ERC2: variants seen among roughly 807,000 people sequenced by gnomAD.
The protein encoded by ERC2 is ERC protein 2.
A neutral mutation model predicts 114.8 loss-of-function variants in ERC2; 42 were observed. The observed-to-expected ratio is 0.37, with a 90% CI of 0.29 to 0.47. The LOEUF is 0.47. ERC2 is among the 20% of genes least tolerant of loss of function. The pLI is 0.99. For synonymous variants in ERC2, 454 were observed against 425.5 expected, an observed-to-expected ratio of 1.07 and a Z score of -0.82; for missense variants, 939 against 1,150.7, an observed-to-expected ratio of 0.82 and a Z score of 2.66.
At chr3:55,958,555 C>A (rs1435824219) in intron 12 of ERC2, among the ~76,000 whole-genome samples, 1 of 152,226 alleles carries the variant, frequency 6.6e-6, no homozygotes, top group African/African-American at 2.4e-5. Flanking sequence ...CTGCCATCAA[C>A]ATGCCATCCA....
At chr3:56,182,353 G>T (rs116828603) in intron 3 of ERC2, among the ~76,000 whole-genome samples, 2 of 152,156 alleles carry the variant, frequency 1.3e-5, no homozygotes, top group African/African-American at 4.8e-5. Context: ...AACAGTAGGC[G>T]CTCAACAAAC....
chr3:56,060,939 C>T (rs1429907267), intron 7 of ERC2, among the ~76,000 whole-genome samples: 6 of 152,098 alleles, frequency 3.9e-5, no homozygotes, highest in Non-Finnish European at 5.9e-5. Context: ...ACCTAGAAAA[C>T]GATAAAGATG....
chr3:55,636,621 T>C (rs1362226850), intron 17 of ERC2, among the ~76,000 whole-genome samples: 1 of 152,192 alleles, frequency 6.6e-6, no homozygotes, highest in Non-Finnish European at 1.5e-5. Flanking sequence ...ACTTTTCCTG[T>C]AAGGAGCCAG....
intron 2 of ERC2, among the ~76,000 whole-genome samples, chr3:56,305,670 C>T (rs574577129): frequency 1.3e-5 from 2 of 152,310 alleles, no homozygotes; most frequent in East Asian, 3.9e-4. Flanking sequence ...TGCAACAATG[C>T]AAGAACTCAC....
chr3:56,284,707 C>T (rs571518487), intron 3 of ERC2, among the ~76,000 whole-genome samples: 23 of 152,092 alleles, frequency 1.5e-4, no homozygotes, highest in Non-Finnish European at 3.1e-4. Flanking sequence ...AAATGTAAGG[C>T]TTATGTGTCT....
chr3:55,992,299 C>T (rs371146132), intron 10 of ERC2, 49 bp from the exon 11 acceptor site: 684 of 1,503,784 alleles, frequency 4.5e-4, no homozygotes, highest in Non-Finnish European at 5.9e-4. Context: ...CAATTTAGAA[C>T]AATAGACAGT....
At chr3:56,018,268 G>C (rs2073445677) in intron 8 of ERC2, among the ~76,000 whole-genome samples, 1 of 152,160 alleles carries the variant, frequency 6.6e-6, no homozygotes, top group African/African-American at 2.4e-5. Flanking sequence ...GTCCAAAGTA[G>C]AAAGTATCAG....
At chr3:56,163,022 T>C (rs2082136154) in intron 4 of ERC2, among the ~76,000 whole-genome samples, 2 of 152,100 alleles carry the variant, frequency 1.3e-5, no homozygotes, top group Admixed American at 6.6e-5. Context: ...ACTTTCCTCT[T>C]AACACTGCTT....
intron 17 of ERC2, among the ~76,000 whole-genome samples, chr3:55,551,111 T>C (rs2055170145): frequency 6.6e-6 from 1 of 151,750 alleles, no homozygotes; most frequent in African/African-American, 2.4e-5. Context: ...TGTGTGTGTG[T>C]GTATATGTGT....
chr3:56,283,362 G>A (rs978001593), intron 3 of ERC2, among the ~76,000 whole-genome samples: 1 of 152,160 alleles, frequency 6.6e-6, no homozygotes, highest in African/African-American at 2.4e-5. Context: ...CGGGCATGAT[G>A]GCTCATACCT....
At chr3:56,151,951 T>C (rs530312240) in intron 4 of ERC2, among the ~76,000 whole-genome samples, 1 of 152,374 alleles carries the variant, frequency 6.6e-6, no homozygotes, top group Admixed American at 6.5e-5. Flanking sequence ...CTGAACATTT[T>C]TACAAGTTAT....
At chr3:56,320,651 A>G (rs1483585452) in intron 2 of ERC2, among the ~76,000 whole-genome samples, 3 of 152,200 alleles carry the variant, frequency 2.0e-5, no homozygotes, top group Non-Finnish European at 4.4e-5. Flanking sequence ...AAGAACTAGA[A>G]TGTGTACATC....
intron 3 of ERC2, among the ~76,000 whole-genome samples, chr3:56,229,862 C>CTTTTTTTTTTTTTT (rs34357962): frequency 1.8e-5 from 1 of 56,632 alleles, no homozygotes; most frequent in Non-Finnish European, 3.2e-5. Context: ...AATATCTAGT[C>CTTTTTTTTTTTTTT]TTTTTTTTTT....
chr3:55,545,758 G>T (rs956608458), intron 17 of ERC2, among the ~76,000 whole-genome samples: 1 of 152,168 alleles, frequency 6.6e-6, no homozygotes, highest in Non-Finnish European at 1.5e-5. Flanking sequence ...GCTCATAGTT[G>T]CTGTGCCAGG....
chr3:56,105,741 T>C (rs993680359), intron 6 of ERC2, among the ~76,000 whole-genome samples: 3 of 152,152 alleles, frequency 2.0e-5, no homozygotes, highest in Admixed American at 6.5e-5. Context: ...CAGATAAGAA[T>C]TGACTGTGCC....
At position 55,620,857 on chromosome 3, in the gene ERC2, G is replaced by T. The variant is rs571060949; in HGVS notation, c.*39+62937C>A. ...TCCTATGCAAACTTAACTGATGGAAGATGTGATTACGCCTTCTCAGGTCAT... is the reference window on the plus strand; with the variant it reads ...TCCTATGCAAACTTAACTGATGGAATATGTGATTACGCCTTCTCAGGTCAT... On this transcript the variant is annotated intron_variant, in intron 17 of 17. Transcript: ENST00000288221. Among the ~76,000 whole-genome samples, 15 of 152,304 alleles carry T rather than the reference G, an allele frequency of 9.8e-5. No homozygotes were observed. In the South Asian group the frequency reaches 3.1e-3, roughly 32 times the overall value.
chr3:56,430,269 C>G (rs1395824484), intron 2 of ERC2, among the ~76,000 whole-genome samples: 1 of 152,036 alleles, frequency 6.6e-6, no homozygotes, highest in Non-Finnish European at 1.5e-5. Flanking sequence ...TTTCTTTCTT[C>G]CATATAGAAA....
chr3:56,239,169 G>A (rs952215544), intron 3 of ERC2, among the ~76,000 whole-genome samples: 2 of 152,188 alleles, frequency 1.3e-5, no homozygotes, highest in East Asian at 3.9e-4. Context: ...TATACAAAGG[G>A]AAAAAATTAT....
intron 7 of ERC2, among the ~76,000 whole-genome samples, chr3:56,038,216 G>T (rs1343725561): frequency 6.6e-6 from 1 of 151,866 alleles, no homozygotes; most frequent in African/African-American, 2.4e-5. Flanking sequence ...AATCCACAAG[G>T]AACTTAAACA....
Sources: gnomAD v4.1 joint callset for allele counts (sites outside exome capture counted in the v4.1 genomes callset) on GRCh38, gnomAD v4.1.1 for gene constraint, MANE v1.5 for transcripts, NCBI Gene and HGNC (gene_info 2026-07-23, HGNC 2026-07-21) for gene names.